The following CLASP1 variants were observed in gnomAD, a reference collection of about 807,000 sequenced individuals.
CLASP1 encodes CLIP-associating protein 1.
In CLASP1, 38 loss-of-function variants were observed where a neutral mutation model predicts 192.3. The observed-to-expected ratio is 0.20, with a 90% CI of 0.15 to 0.26. The LOEUF is 0.26. CLASP1 is among the 10% of genes least tolerant of loss of function. The probability of loss-of-function intolerance (pLI) is 1.00; values close to 1 mark genes in which losing one functional copy is unlikely to be tolerated. For synonymous variants in CLASP1, 691 were observed against 712.8 expected, an observed-to-expected ratio of 0.97 and a Z score of 0.49; for missense variants, 1,433 against 1,932.5, an observed-to-expected ratio of 0.74 and a Z score of 4.85.
At chr2:121,637,465 G>A (rs914703880) in intron 1 of CLASP1, among the ~76,000 whole-genome samples, 4 of 152,088 alleles carry the variant, frequency 2.6e-5, no homozygotes, top group Admixed American at 1.3e-4. Flanking sequence ...AACTCAAAGT[G>A]GATCAAGGAC....
chr2:121,598,857 T>TTTTATTTA (rs759167243), intron 2 of CLASP1, among the ~76,000 whole-genome samples: 1 of 152,098 alleles, frequency 6.6e-6, no homozygotes, highest in Non-Finnish European at 1.5e-5. Context: ...ACGTTTTTAT[T>TTTTATTTA]TTTATTTATT....
At chr2:121,509,952 C>G (rs2094072985) in intron 7 of CLASP1, among the ~76,000 whole-genome samples, 1 of 151,920 alleles carries the variant, frequency 6.6e-6, no homozygotes, top group African/African-American at 2.4e-5. Context: ...AAATAAGAAA[C>G]AAACAAATGT....
intron 2 of CLASP1, among the ~76,000 whole-genome samples, chr2:121,560,379 T>C (rs1168017894): frequency 3.3e-5 from 5 of 152,224 alleles, no homozygotes; most frequent in African/African-American, 4.8e-5. Flanking sequence ...TGCTGGGGAA[T>C]AGGATTTTCA....
intron 1 of CLASP1, among the ~76,000 whole-genome samples, chr2:121,611,468 T>A (rs1407070589): frequency 8.9e-6 from 1 of 112,612 alleles, no homozygotes. Context: ...GAAGAGGAAC[T>A]GGAGGAGGAG....
intron 30 of CLASP1, among the ~76,000 whole-genome samples, chr2:121,395,166 G>A (rs144105914): frequency 6.6e-6 from 1 of 152,148 alleles, no homozygotes; most frequent in East Asian, 1.9e-4. Flanking sequence ...TGCAGATCCA[G>A]ATGACATCTT....
chr2:121,354,500 C>T (rs2065051791), intron 37 of CLASP1, among the ~76,000 whole-genome samples: 1 of 152,178 alleles, frequency 6.6e-6, no homozygotes, highest in Non-Finnish European at 1.5e-5. Flanking sequence ...GAGTTACACA[C>T]AGCTGAGTGG....
rs139927894 is a variant in CLASP1, at chr2:121,541,610, A to G, written c.196-11285T>C. 2.3e-4 allele frequency among the ~76,000 whole-genome samples: 35 copies of G among 152,226 alleles called. No homozygotes were observed. In the East Asian group the frequency reaches 6.4e-3, roughly 28 times the overall value. On this transcript the variant is annotated intron_variant, in intron 2 of 39. Coordinates refer to ENST00000263710, the Ensembl canonical transcript of CLASP1. ...TTAAGACCTTCTCTGCCAATATCGG[A>G]TAACTTCAAACGTCAGCCTCGGCGC...
At chr2:121,363,179 T>C in exon 37 of CLASP1, 2 of 1,614,008 alleles carry the variant, frequency 1.2e-6, no homozygotes, top group South Asian at 2.2e-5. Flanking sequence ...CACCTCCTTA[T>C]GGGAGTCTTT....
At chr2:121,592,864 G>T (rs2062582899) in intron 2 of CLASP1, among the ~76,000 whole-genome samples, 1 of 152,108 alleles carries the variant, frequency 6.6e-6, no homozygotes, top group Non-Finnish European at 1.5e-5. Flanking sequence ...GTGCTAGCCA[G>T]GATGGTCTCC....
At chr2:121,444,701 G>A (rs905137442) in intron 19 of CLASP1, among the ~76,000 whole-genome samples, 1 of 152,150 alleles carries the variant, frequency 6.6e-6, no homozygotes, top group Non-Finnish European at 1.5e-5. Context: ...ACCACACGCA[G>A]CATACTTTAG....
At chr2:121,513,005 T>C (rs922105083) in intron 7 of CLASP1, 7 of 152,236 alleles carry the variant, frequency 4.6e-5, no homozygotes, top group African/African-American at 1.4e-4. Flanking sequence ...AAATCTATAA[T>C]GATGTAAGAG....
At chr2:121,393,330 A>C (rs1187086927) in intron 30 of CLASP1, among the ~76,000 whole-genome samples, 1 of 152,236 alleles carries the variant, frequency 6.6e-6, no homozygotes, top group Non-Finnish European at 1.5e-5. Context: ...CTTTTAAATC[A>C]CCAAGATTTC....
chr2:121,529,228 C>A (rs1559526270), intron 3 of CLASP1, among the ~76,000 whole-genome samples: 1 of 151,882 alleles, frequency 6.6e-6, no homozygotes, highest in East Asian at 1.9e-4. Flanking sequence ...CACGCCCATA[C>A]ACACATGAGA....
At chr2:121,568,628 T>C (rs1452414496) in intron 2 of CLASP1, among the ~76,000 whole-genome samples, 1 of 151,744 alleles carries the variant, frequency 6.6e-6, no homozygotes, top group Non-Finnish European at 1.5e-5. Flanking sequence ...AGTTTCCATT[T>C]AGTTAATGGA....
chr2:121,541,093 A>G (rs2095224080), intron 2 of CLASP1, among the ~76,000 whole-genome samples: 1 of 152,256 alleles, frequency 6.6e-6, no homozygotes, highest in Non-Finnish European at 1.5e-5. Context: ...CTATAAGTTT[A>G]TAACAAGAAG....
intron 2 of CLASP1, among the ~76,000 whole-genome samples, chr2:121,555,417 T>TA (rs2058456599): frequency 6.6e-6 from 1 of 152,208 alleles, no homozygotes; most frequent in Admixed American, 6.5e-5. Flanking sequence ...TCTATTTCTC[T>TA]AATGCCAAGA....
chr2:121,565,917 A>T (rs2105350553), intron 2 of CLASP1, among the ~76,000 whole-genome samples: 1 of 152,274 alleles, frequency 6.6e-6, no homozygotes, highest in Admixed American at 6.5e-5. Context: ...GGGCCCTAGG[A>T]TTTATCTCTT....
At chr2:121,558,869 C>A (rs2058817820) in intron 2 of CLASP1, among the ~76,000 whole-genome samples, 1 of 152,206 alleles carries the variant, frequency 6.6e-6, no homozygotes, top group African/African-American at 2.4e-5. Flanking sequence ...GAGCCAGATT[C>A]TCTCATGGTT....
At chr2:121,358,570 T>C (rs2065825243) in intron 37 of CLASP1, among the ~76,000 whole-genome samples, 1 of 152,232 alleles carries the variant, frequency 6.6e-6, no homozygotes, top group Non-Finnish European at 1.5e-5. Context: ...TCTCTGACTA[T>C]GGCATTTGTC....
Sources: gnomAD v4.1 joint callset for allele counts (sites outside exome capture counted in the v4.1 genomes callset) on GRCh38, gnomAD v4.1.1 for gene constraint, MANE v1.5 for transcripts, NCBI Gene and HGNC (gene_info 2026-07-23, HGNC 2026-07-21) for gene names.